Variants in MAML2 observed in about 807,000 individuals in gnomAD.
The protein encoded by MAML2 is mastermind-like protein 2.
A neutral mutation model predicts 96.1 loss-of-function variants in MAML2; 22 were observed. The ratio of observed to expected loss-of-function variants is 0.23; its 90% CI spans 0.16 to 0.33. The LOEUF is 0.33. Ranked by LOEUF, MAML2 falls within the 10% of genes least tolerant of loss-of-function variation. The pLI is 1.00. For synonymous variants in MAML2, 561 were observed against 521.3 expected, an observed-to-expected ratio of 1.08 and a Z score of -1.04; for missense variants, 1,367 against 1,392.4, an observed-to-expected ratio of 0.98 and a Z score of 0.29.
chr11:96,047,930 A>AAAAAAAAAAAG (rs1555001442), intron 2 of MAML2, among the ~76,000 whole-genome samples: 97 of 127,388 alleles, frequency 7.6e-4, no homozygotes, highest in Non-Finnish European at 1.2e-3. Flanking sequence ...AAAAAAAAAA[A>AAAAAAAAAAAG]AAAAGAAAAA....
chr11:96,115,918 G>A (rs970790817), intron 1 of MAML2, among the ~76,000 whole-genome samples: 1 of 152,104 alleles, frequency 6.6e-6, no homozygotes, highest in African/African-American at 2.4e-5. Flanking sequence ...TGTTTTCATA[G>A]GTCCCCAAAG....
At chr11:96,160,926 C>G (rs1861094334) in intron 1 of MAML2, among the ~76,000 whole-genome samples, 1 of 152,248 alleles carries the variant, frequency 6.6e-6, no homozygotes, top group Admixed American at 6.5e-5. Flanking sequence ...TCCCCGCCCT[C>G]TGCGAGTGAC....
intron 1 of MAML2, among the ~76,000 whole-genome samples, chr11:96,160,377 C>G (rs1341216169): frequency 6.6e-6 from 1 of 151,980 alleles, no homozygotes. Context: ...GTGATACTTA[C>G]AAATTTTATG....
At chr11:96,317,922 T>C (rs1863652754) in intron 1 of MAML2, among the ~76,000 whole-genome samples, 1 of 152,248 alleles carries the variant, frequency 6.6e-6, no homozygotes, top group Non-Finnish European at 1.5e-5. Context: ...ATCTAAATGG[T>C]AAACTCCTGA....
chr11:96,138,311 G>C (rs867886752), intron 1 of MAML2, among the ~76,000 whole-genome samples: 1 of 152,130 alleles, frequency 6.6e-6, no homozygotes, highest in Admixed American at 6.5e-5. Context: ...CTGATTTCCA[G>C]ACAGCCACCT....
intron 1 of MAML2, among the ~76,000 whole-genome samples, chr11:96,124,266 C>T (rs1429213150): frequency 6.6e-6 from 1 of 152,130 alleles, no homozygotes; most frequent in Non-Finnish European, 1.5e-5. Context: ...CACAGCGTTC[C>T]TCTGTGTTGG....
rs117516137 is a variant in MAML2, at chr11:96,023,051, G to A, written c.2140-31328C>T. ...GGATCCCCAAGACTGGGGCTGGGTA[G>A]AGCTGAGCAAGATTCAGTGAGGAAA... On this transcript the variant is annotated intron_variant, in intron 2 of 4. Transcript: ENST00000524717. 1.9e-4 allele frequency among the ~76,000 whole-genome samples: 29 copies of A among 152,330 alleles called. No homozygotes were observed. The East Asian group carries it at 5.6e-3, about 29-fold the overall frequency.
At chr11:96,154,266 C>T (rs1289620411) in intron 1 of MAML2, among the ~76,000 whole-genome samples, 1 of 152,084 alleles carries the variant, frequency 6.6e-6, no homozygotes, top group East Asian at 1.9e-4. Context: ...CTCCCAGGTG[C>T]GGTAGCTACT....
At chr11:96,241,704 C>G (rs1319160033) in intron 1 of MAML2, among the ~76,000 whole-genome samples, 1 of 152,168 alleles carries the variant, frequency 6.6e-6, no homozygotes, top group African/African-American at 2.4e-5. Context: ...CGGAAGTCAA[C>G]AGAGGAGGAG....
intron 2 of MAML2, among the ~76,000 whole-genome samples, chr11:96,041,558 G>GAAAAA (rs1425171348): frequency 6.6e-6 from 1 of 151,610 alleles, no homozygotes; most frequent in Non-Finnish European, 1.5e-5. Context: ...AAGAAAGAAA[G>GAAAAA]AAAAAAGAAG....
chr11:96,288,542 CAAAAAAAAAA>C (rs60166307), intron 1 of MAML2, among the ~76,000 whole-genome samples: 2 of 83,982 alleles, frequency 2.4e-5, no homozygotes, highest in Non-Finnish European at 5.2e-5. Flanking sequence ...GACTCTGTCT[CAAAAAAAAAA>C]AAAAAAAAAC....
intron 1 of MAML2, among the ~76,000 whole-genome samples, chr11:96,166,166 C>CTGTCTG (rs1861188271): frequency 9.0e-6 from 1 of 110,942 alleles, no homozygotes; most frequent in Admixed American, 8.8e-5. Flanking sequence ...CTCTCTCTCT[C>CTGTCTG]TCTCTCTCTC....
At chr11:96,153,911 CAATAAATA>C (rs59318960) in intron 1 of MAML2, among the ~76,000 whole-genome samples, 2,494 of 137,996 alleles carry the variant, frequency 0.018, 34 homozygotes, top group Middle Eastern at 0.027. Flanking sequence ...GACTCCGTCT[CAATAAATA>C]AATAAATAAA....
At chr11:96,265,140 G>T (rs78392734) in intron 1 of MAML2, among the ~76,000 whole-genome samples, 2 of 152,198 alleles carry the variant, frequency 1.3e-5, no homozygotes, top group Admixed American at 1.3e-4. Flanking sequence ...ACAGCTAGAG[G>T]ACAAGCTACA....
chr11:96,236,186 A>G (rs1591088124), intron 1 of MAML2, among the ~76,000 whole-genome samples: 2 of 152,194 alleles, frequency 1.3e-5, no homozygotes, highest in Non-Finnish European at 2.9e-5. Flanking sequence ...GCATTACACA[A>G]CTTCTTTCTA....
chr11:96,085,842 G>A (rs75842402), intron 2 of MAML2, among the ~76,000 whole-genome samples: 1,889 of 152,270 alleles, frequency 0.012, 52 homozygotes, highest in African/African-American at 0.042. Flanking sequence ...ATTTCTTTAT[G>A]GAGGGAAAGA....
At chr11:96,056,788 T>C (rs1056231250) in intron 2 of MAML2, among the ~76,000 whole-genome samples, 2 of 152,208 alleles carry the variant, frequency 1.3e-5, no homozygotes, top group African/African-American at 4.8e-5. Flanking sequence ...CATTTGCGTA[T>C]GTGTAGGCTA....
chr11:96,182,957 C>CTTTTTT (rs11301035), intron 1 of MAML2, among the ~76,000 whole-genome samples: 2 of 108,256 alleles, frequency 1.8e-5, no homozygotes, highest in Non-Finnish European at 1.9e-5. Context: ...CCTTTCTTTT[C>CTTTTTT]TTTTTTTTTT....
intron 2 of MAML2, among the ~76,000 whole-genome samples, chr11:96,045,377 G>A (rs571414814): frequency 1.3e-5 from 2 of 152,258 alleles, no homozygotes; most frequent in Non-Finnish European, 2.9e-5. Context: ...CTTCCTTTTT[G>A]TGTGGCAGAG....
Sources: allele counts gnomAD v4.1 joint callset (sites outside exome capture counted in the v4.1 genomes callset), GRCh38; gene constraint gnomAD v4.1.1; transcripts MANE v1.5; gene names NCBI Gene and HGNC (gene_info 2026-07-23, HGNC 2026-07-21).